Variants in GRID1 observed in about 807,000 individuals in gnomAD.
GRID1 encodes the protein glutamate ionotropic receptor delta type subunit 1.
Under a neutral mutation model 98.0 loss-of-function variants are expected in GRID1, and 28 were observed. That is an observed-to-expected ratio of 0.29 (90% CI 0.21 to 0.39). The LOEUF is 0.39. Ranked by LOEUF, GRID1 falls within the 10% of genes least tolerant of loss-of-function variation. The pLI, the probability that GRID1 is intolerant of heterozygous loss-of-function variation, is 1.00. For missense variants in GRID1, 1,111 were observed against 1,340.5 expected, an observed-to-expected ratio of 0.83 and a Z score of 2.67; for synonymous variants, 553 against 538.5, an observed-to-expected ratio of 1.03 and a Z score of -0.37.
chr10:85,699,659 A>G (rs938822424), intron 12 of GRID1, among the ~76,000 whole-genome samples: 1 of 152,220 alleles, frequency 6.6e-6, no homozygotes, highest in African/African-American at 2.4e-5. Flanking sequence ...TAAATTTTCT[A>G]TTAATAAAGT....
chr10:86,329,746 AC>A (rs988088418), intron 2 of GRID1, among the ~76,000 whole-genome samples: 1 of 151,910 alleles, frequency 6.6e-6, no homozygotes, highest in African/African-American at 2.4e-5. Context: ...CTGCCAGTCT[AC>A]CCCTGCTCAT....
At chr10:85,759,988 G>A (rs1055109758) in intron 8 of GRID1, among the ~76,000 whole-genome samples, 5 of 152,024 alleles carry the variant, frequency 3.3e-5, no homozygotes, top group African/African-American at 4.8e-5. Context: ...GCTCTCTCTC[G>A]CCCCATATCA....
At chr10:85,898,563 T>C (rs1235012376) in intron 5 of GRID1, among the ~76,000 whole-genome samples, 1 of 152,192 alleles carries the variant, frequency 6.6e-6, no homozygotes, top group Non-Finnish European at 1.5e-5. Context: ...TTTCTTTATA[T>C]ACTTATTCTA....
intron 2 of GRID1, among the ~76,000 whole-genome samples, chr10:86,223,786 T>C (rs1012105127): frequency 1.3e-5 from 2 of 152,184 alleles, no homozygotes; most frequent in African/African-American, 4.8e-5. Flanking sequence ...GCTGTGTCTA[T>C]CACAGACGAA....
chr10:85,742,848 CT>C (rs550871355), intron 8 of GRID1, among the ~76,000 whole-genome samples: 1 of 152,182 alleles, frequency 6.6e-6, no homozygotes, highest in African/African-American at 2.4e-5. Flanking sequence ...CATACAGTGT[CT>C]GCTTAGTTCT....
At chr10:85,794,773 C>A (rs185615170) in intron 8 of GRID1, among the ~76,000 whole-genome samples, 112 of 152,276 alleles carry the variant, frequency 7.4e-4, no homozygotes, top group African/African-American at 2.6e-3. Flanking sequence ...GGAGATAAGA[C>A]CCTGCATTTG....
chr10:86,363,626 C>T (rs1848633085), intron 2 of GRID1, among the ~76,000 whole-genome samples: 1 of 152,188 alleles, frequency 6.6e-6, no homozygotes, highest in South Asian at 2.1e-4. Flanking sequence ...CAAAGACTGC[C>T]CCGAGCCACG....
Position 86,041,617 on chromosome 10 carries a change from C to A in GRID1, c.726+97202G>T, listed in dbSNP as rs189284911. 9.2e-5 allele frequency among the ~76,000 whole-genome samples: 14 copies of A among 152,224 alleles called. No individual in the cohort carries two copies. In the East Asian group the frequency reaches 2.3e-3, roughly 25 times the overall value. ...CTCTTCCTGGGTTCAAAGCCCAGTA[C>A]CCCATCATTCTAGCTAGATAACCCA... On this transcript the variant is annotated intron_variant, in intron 4 of 15. Coordinates refer to ENST00000327946, the MANE Select transcript of GRID1 (RefSeq NM_017551.3).
At chr10:86,202,700 T>G (rs1300462122) in intron 3 of GRID1, among the ~76,000 whole-genome samples, 1 of 152,232 alleles carries the variant, frequency 6.6e-6, no homozygotes, top group Non-Finnish European at 1.5e-5. Context: ...TTGGAGCCCA[T>G]GGCTTTTCCT....
rs141503123 is a variant in GRID1, at chr10:86,013,238, G to A, written c.727-96999C>T. On this transcript the variant is annotated intron_variant, in intron 4 of 15. Transcript: ENST00000327946. ...AAGTGAGGGCTAATAAGGCCAAAAG[G>A]GCAAAATGTAAACTATTTCCCTCTT... Among the ~76,000 whole-genome samples, 526 of 152,148 alleles carry A rather than the reference G, an allele frequency of 3.5e-3. 5 individuals are homozygous for A. Among genetic ancestry groups the A allele is most frequent in the African/African-American group, 0.012 (499 of 41,516 alleles).
chr10:85,642,655 A>C (rs1386425247), intron 13 of GRID1, among the ~76,000 whole-genome samples: 1 of 152,184 alleles, frequency 6.6e-6, no homozygotes, highest in Non-Finnish European at 1.5e-5. Flanking sequence ...TTAATAAATA[A>C]AAATTCCCTC....
At chr10:86,045,564 G>A (rs918621752) in intron 4 of GRID1, among the ~76,000 whole-genome samples, 3 of 152,114 alleles carry the variant, frequency 2.0e-5, no homozygotes, top group Admixed American at 6.5e-5. Flanking sequence ...TATAATACAA[G>A]AGAAGCATAT....
At chr10:85,756,890 A>G (rs1410957420) in intron 8 of GRID1, among the ~76,000 whole-genome samples, 1 of 152,198 alleles carries the variant, frequency 6.6e-6, no homozygotes, top group African/African-American at 2.4e-5. Flanking sequence ...TCCTCAAGAC[A>G]ACCTAATGAG....
At chr10:85,799,465 C>G (rs1040880697) in intron 8 of GRID1, among the ~76,000 whole-genome samples, 1 of 152,044 alleles carries the variant, frequency 6.6e-6, no homozygotes, top group Admixed American at 6.6e-5. Context: ...TAGAATCAAC[C>G]TAAGTGCCTA....
chr10:85,723,923 C>G (rs994711354), intron 11 of GRID1, among the ~76,000 whole-genome samples: 7 of 152,226 alleles, frequency 4.6e-5, no homozygotes, highest in Non-Finnish European at 1.0e-4. Context: ...CCAGACCCCT[C>G]AGAGGTAGGA....
intron 12 of GRID1, among the ~76,000 whole-genome samples, chr10:85,667,148 A>G (rs73326655): frequency 0.045 from 6,851 of 152,290 alleles, 470 homozygotes; most frequent in African/African-American, 0.15. Flanking sequence ...TATGTGATTG[A>G]CGTGACTGTC....
At chr10:86,168,456 T>C (rs975780456) in intron 3 of GRID1, among the ~76,000 whole-genome samples, 4 of 152,094 alleles carry the variant, frequency 2.6e-5, no homozygotes, top group Non-Finnish European at 5.9e-5. Context: ...CGAGGGCACA[T>C]CTGAGCCCTG....
At chr10:85,620,784 C>T (rs549908252) in intron 13 of GRID1, among the ~76,000 whole-genome samples, 40 of 152,324 alleles carry the variant, frequency 2.6e-4, no homozygotes, top group African/African-American at 4.6e-4. Context: ...CCTGTGCACA[C>T]GCACATACAT....
chr10:85,780,587 G>A (rs547523581), intron 8 of GRID1, among the ~76,000 whole-genome samples: 68 of 152,310 alleles, frequency 4.5e-4, no homozygotes, highest in Non-Finnish European at 8.5e-4. Context: ...CCAGTACTGA[G>A]CCGATGTTTT....
Sources: allele counts gnomAD v4.1 joint callset (sites outside exome capture counted in the v4.1 genomes callset), GRCh38; gene constraint gnomAD v4.1.1; transcripts MANE v1.5; gene names NCBI Gene and HGNC (gene_info 2026-07-23, HGNC 2026-07-21).